FAM13A: variants seen among roughly 807,000 people sequenced by gnomAD.
FAM13A encodes the protein family with sequence similarity 13 member A.
A neutral mutation model predicts 129.6 loss-of-function variants in FAM13A; 76 were observed. That is an observed-to-expected ratio of 0.59 (90% CI 0.49 to 0.71). FAM13A has a LOEUF of 0.71. Ranked by LOEUF, FAM13A falls within the 30% of genes least tolerant of loss-of-function variation. FAM13A has a pLI of 0.00. For missense variants in FAM13A, 1,108 were observed against 1,249.3 expected, an observed-to-expected ratio of 0.89 and a Z score of 1.70; for synonymous variants, 443 against 449.9, an observed-to-expected ratio of 0.98 and a Z score of 0.20.
rs144201330 is a variant in FAM13A, at chr4:89,033,902, T to A, written c.28-4253A>T. 1.7e-3 allele frequency among the ~76,000 whole-genome samples: 262 copies of A among 152,330 alleles called. 4 individuals carry two copies. Among genetic ancestry groups the A allele is most frequent in the Admixed American group, 0.016 (238 of 15,304 alleles). Reference sequence around the variant, plus strand: ...ATGCAGAATAATGAAACTGGACCCCTACCTTTCACCATATACAAAAATTAA... The same window carrying A: ...ATGCAGAATAATGAAACTGGACCCCAACCTTTCACCATATACAAAAATTAA... On this transcript the variant is annotated intron_variant, in intron 1 of 23. Transcript: ENST00000264344.
intron 3 of FAM13A, among the ~76,000 whole-genome samples, chr4:89,019,211 T>G (rs1766916103): frequency 6.6e-6 from 1 of 152,206 alleles, no homozygotes; most frequent in South Asian, 2.1e-4. Flanking sequence ...CTTTCTTACT[T>G]GTCCTATCTG....
intron 1 of FAM13A, among the ~76,000 whole-genome samples, chr4:89,040,588 T>C (rs990758721): frequency 1.3e-5 from 2 of 152,194 alleles, no homozygotes; most frequent in African/African-American, 2.4e-5. Context: ...AGATCTGAAA[T>C]TAGGGAACTT....
intron 7 of FAM13A, among the ~76,000 whole-genome samples, chr4:88,849,503 G>C (rs1037945770): frequency 6.6e-6 from 1 of 152,140 alleles, no homozygotes; most frequent in Non-Finnish European, 1.5e-5. Context: ...GATTTTTACA[G>C]ACTTTCTCCC....
intron 6 of FAM13A, among the ~76,000 whole-genome samples, chr4:88,879,489 A>C (rs1743172611): frequency 6.6e-6 from 1 of 150,524 alleles, no homozygotes; most frequent in Non-Finnish European, 1.5e-5. Flanking sequence ...TTACCTATTA[A>C]AAAAAAAAGA....
At chr4:88,878,886 T>C (rs1341842137) in intron 6 of FAM13A, among the ~76,000 whole-genome samples, 1 of 152,218 alleles carries the variant, frequency 6.6e-6, no homozygotes, top group Non-Finnish European at 1.5e-5. Flanking sequence ...CAACATGTAA[T>C]TTTCCACAGC....
intron 3 of FAM13A, among the ~76,000 whole-genome samples, chr4:89,014,990 A>G (rs1053276279): frequency 7.9e-5 from 12 of 152,162 alleles, no homozygotes; most frequent in African/African-American, 2.9e-4. Context: ...TTTTCTCAGC[A>G]AGGAACAGCC....
intron 5 of FAM13A, among the ~76,000 whole-genome samples, chr4:88,919,765 G>A (rs553754312): frequency 8.3e-4 from 126 of 152,350 alleles, no homozygotes; most frequent in African/African-American, 2.8e-3. Context: ...CTCAGGAAGC[G>A]CAAAGGGTCA....
In FAM13A at chr4:88,807,456, C is replaced by T. The variant is rs186398998; in HGVS notation, c.1008-2404G>A. On this transcript the variant is annotated intron_variant, in intron 7 of 23. Coordinates refer to ENST00000264344, the MANE Select transcript of FAM13A (RefSeq NM_014883.4). Reference sequence around the variant, plus strand: ...TGCTCCTTAATTCTGGTGAGAAAAGCAGTCTCAGAGTGAGTACATAACTCA... The same window carrying T: ...TGCTCCTTAATTCTGGTGAGAAAAGTAGTCTCAGAGTGAGTACATAACTCA... 2.0e-3 allele frequency among the ~76,000 whole-genome samples: 312 copies of T among 152,312 alleles called. 1 individual carries two copies. The highest frequency in any genetic ancestry group is 2.9e-3 in the Non-Finnish European group (195 of 68,024).
chr4:88,848,682 C>G (rs1457836046), intron 7 of FAM13A, among the ~76,000 whole-genome samples: 1 of 152,184 alleles, frequency 6.6e-6, no homozygotes, highest in Non-Finnish European at 1.5e-5. Context: ...TTGTTCCTTT[C>G]CTTTCCATGG....
intron 1 of FAM13A, among the ~76,000 whole-genome samples, chr4:89,038,775 A>G (rs1769721892): frequency 6.6e-6 from 1 of 152,146 alleles, no homozygotes; most frequent in East Asian, 1.9e-4. Context: ...TTAGAAAACC[A>G]CCATTTTTTC....
At chr4:88,748,255 C>G (rs1447490035) in intron 17 of FAM13A, among the ~76,000 whole-genome samples, 1 of 152,122 alleles carries the variant, frequency 6.6e-6, no homozygotes, top group Non-Finnish European at 1.5e-5. Flanking sequence ...ATAACTTATT[C>G]TTTTTTCAGA....
rs888094261 is a variant in FAM13A at position 88,726,503 on chromosome 4, TAAAA to T, written c.*2026_*2029del. The T allele has an allele frequency of 1.3e-5, 2 of 152,272 alleles. No individual in the cohort carries two copies. Among genetic ancestry groups the T allele is most frequent in the African/African-American group, 4.8e-5 (2 of 41,448 alleles). The allele number at this position is 152,272 out of a possible 1,614,324, so 9.4% of individuals were successfully genotyped here. The stretch of plus-strand genomic sequence containing the variant: ...AGTAGCATCTCATTTATTTGTAGCT[TAAAA>T]AAAAATTCTGTAGCGTATTTTTCCA... On this transcript the variant is annotated 3_prime_UTR_variant, in exon 24 of 24. Transcript: ENST00000264344.
At position 89,020,639 on chromosome 4, in the gene FAM13A, T is replaced by C. The variant is rs368669507; in HGVS notation, c.248A>G (p.Asn83Ser). The stretch of plus-strand genomic sequence containing the variant: ...TTGTTCCACCACCTTCACGTTACCA[T>C]TCACCCTAAAAAGACCTTCTTGGGT... ...GLTQEGLFRV[N>S]GNVKVVEQLR... Residue 83 changes from asparagine (N) to serine (S), a missense_variant, in exon 3 of 24, where the codon AAT becomes AGT. By Grantham distance (46) the Asn-to-Ser change is conservative. This residue lies in a region of FAM13A where 566 missense variants were observed against 595.7 expected (regional missense o/e 0.95). Coordinates refer to ENST00000264344, the MANE Select transcript of FAM13A (RefSeq NM_014883.4). 8.7e-6 allele frequency: 14 copies of C among 1,614,020 alleles called. No individual in the cohort carries two copies. In the South Asian group the frequency reaches 1.1e-4, roughly 13 times the overall value.
chr4:88,894,582 G>A (rs1745970696), intron 6 of FAM13A, among the ~76,000 whole-genome samples: 1 of 152,132 alleles, frequency 6.6e-6, no homozygotes, highest in Admixed American at 6.5e-5. Flanking sequence ...GGAGTGCAGT[G>A]GCAATCTTGG....
At chr4:88,922,465 G>C (rs1032207125) in intron 5 of FAM13A, among the ~76,000 whole-genome samples, 11 of 152,110 alleles carry the variant, frequency 7.2e-5, no homozygotes, top group African/African-American at 2.7e-4. Flanking sequence ...GGTACATAAC[G>C]AAATGAAGGC....
chr4:88,819,412 G>T (rs567546086), intron 7 of FAM13A, among the ~76,000 whole-genome samples: 2 of 152,260 alleles, frequency 1.3e-5, no homozygotes, highest in South Asian at 2.1e-4. Context: ...TTAAAATACT[G>T]CAATGAAAGT....
intron 4 of FAM13A, among the ~76,000 whole-genome samples, chr4:88,989,345 T>C (rs924131880): frequency 6.6e-6 from 1 of 152,178 alleles, no homozygotes; most frequent in African/African-American, 2.4e-5. Context: ...CTCATGCCCG[T>C]AATCCCAGCA....
At chr4:88,968,027 C>T (rs1256479939) in intron 4 of FAM13A, among the ~76,000 whole-genome samples, 1 of 152,128 alleles carries the variant, frequency 6.6e-6, no homozygotes, top group East Asian at 1.9e-4. Context: ...TCCCTTTCCA[C>T]AGAAGACCTG....
At chr4:89,023,837 A>T (rs1767600553) in intron 2 of FAM13A, among the ~76,000 whole-genome samples, 1 of 150,634 alleles carries the variant, frequency 6.6e-6, no homozygotes, top group African/African-American at 2.4e-5. Flanking sequence ...GCTAGAATAT[A>T]GCCAGTACCC....
Sources: gnomAD v4.1 joint callset for allele counts (sites outside exome capture counted in the v4.1 genomes callset) on GRCh38, gnomAD v4.1.1 for gene constraint, gnomAD v4.1.1 regional missense constraint, MANE v1.5 for transcripts, NCBI Gene and HGNC (gene_info 2026-07-23, HGNC 2026-07-21) for gene names.